Variants in FOCAD observed in about 807,000 individuals in gnomAD.
FOCAD encodes the protein focadhesin.
In FOCAD, 198 loss-of-function variants were observed where a neutral mutation model predicts 225.6. That is an observed-to-expected ratio of 0.88 (90% CI 0.78 to 0.99). FOCAD has a LOEUF of 0.99. Ranked by LOEUF, FOCAD falls within the 50% of genes least tolerant of loss-of-function variation. FOCAD has a pLI of 0.00. For missense variants in FOCAD, 2,713 were observed against 2,123.6 expected (o/e 1.28, Z -5.46); for synonymous variants, 897 against 755.0 (o/e 1.19, Z -3.08).
intron 1 of FOCAD, among the ~76,000 whole-genome samples, chr9:20,699,519 A>G (rs1823663409): frequency 6.6e-6 from 1 of 151,422 alleles, no homozygotes; most frequent in Admixed American, 6.6e-5. Context: ...AGGTGGGTGG[A>G]TCAGGAGGTT....
intron 1 of FOCAD, among the ~76,000 whole-genome samples, chr9:20,696,442 A>T (rs1049971860): frequency 3.3e-5 from 5 of 152,212 alleles, no homozygotes; most frequent in Non-Finnish European, 5.9e-5. Context: ...TACCCTAAAT[A>T]TATACAGTTT....
intron 2 of FOCAD, among the ~76,000 whole-genome samples, chr9:20,661,701 A>G (rs897318051): frequency 5.3e-5 from 8 of 152,248 alleles, no homozygotes; most frequent in African/African-American, 1.9e-4. Context: ...AACATAGGAT[A>G]CATTGAGTAC....
At chr9:20,859,315 G>A (rs946690036) in intron 15 of FOCAD, among the ~76,000 whole-genome samples, 1 of 151,644 alleles carries the variant, frequency 6.6e-6, no homozygotes, top group African/African-American at 2.4e-5. Context: ...CTGGGAGGTG[G>A]AGGTTGCAGT....
At chr9:20,844,511 C>T (rs1826884431) in intron 15 of FOCAD, among the ~76,000 whole-genome samples, 1 of 151,798 alleles carries the variant, frequency 6.6e-6, no homozygotes. Context: ...CAGGCATGTG[C>T]CACCACACAT....
At chr9:20,766,385 C>G (rs1830054278) in intron 7 of FOCAD, among the ~76,000 whole-genome samples, 1 of 152,144 alleles carries the variant, frequency 6.6e-6, no homozygotes. Context: ...ACAATATAAT[C>G]CATTTACCAC....
intron 24 of FOCAD, among the ~76,000 whole-genome samples, chr9:20,917,353 A>C (rs1833958964): frequency 6.6e-6 from 1 of 152,202 alleles, no homozygotes; most frequent in Non-Finnish European, 1.5e-5. Context: ...CATATCTAAA[A>C]ATTGAATTTT....
chr9:20,897,000 C>G (rs904505146), intron 21 of FOCAD: 1 of 151,810 alleles, frequency 6.6e-6, no homozygotes, highest in Non-Finnish European at 1.5e-5. Context: ...GTGTTGAAGT[C>G]TCTGGCTATA....
Position 20,712,825 on chromosome 9 carries a change from C to T in FOCAD, c.-32-2497C>T, listed in dbSNP as rs137902446. Among the ~76,000 whole-genome samples, 58 of 150,680 alleles carry T rather than the reference C, an allele frequency of 3.8e-4. No homozygotes were observed. In the East Asian group the frequency reaches 9.9e-3, roughly 26 times the overall value. ...TCGGCTTATTGCAACCTCCACCTCC[C>T]GGGTTCAAGTGATTCTCCTATCCCA... On this transcript the variant is annotated intron_variant, in intron 1 of 43. Transcript: ENST00000338382.
chr9:20,813,256 C>T (rs949378434), intron 11 of FOCAD, among the ~76,000 whole-genome samples: 1 of 152,156 alleles, frequency 6.6e-6, no homozygotes, highest in Non-Finnish European at 1.5e-5. Context: ...TTTATCCATT[C>T]ATCCCGGGAT....
chr9:20,815,325 A>G (rs1406215034), intron 11 of FOCAD, among the ~76,000 whole-genome samples: 1 of 130,408 alleles, frequency 7.7e-6, no homozygotes, highest in Admixed American at 7.7e-5. Context: ...TTTTTTTTTT[A>G]GTATAGGTGG....
intron 26 of FOCAD, 49 bp downstream of exon 26, chr9:20,926,466 T>C (rs1834957152): frequency 1.7e-6 from 2 of 1,183,282 alleles, no homozygotes; most frequent in Admixed American, 3.4e-5. Context: ...AATTGACTCT[T>C]ATGACATCAG....
chr9:20,986,479 G>A lies in FOCAD; in HGVS notation c.4906+14G>A. The A allele has an allele frequency of 6.3e-7, 1 of 1,579,094 alleles. No homozygotes were observed. On this transcript the variant is annotated intron_variant, in intron 40 of 43. Coordinates refer to ENST00000338382, the MANE Select transcript of FOCAD (RefSeq NM_001375567.1). ...ATGCCAATACGGGTGAGGACACCCTGGGGTGAACATCAGAAACAGGAATAG... is the reference window on the plus strand; with the variant it reads ...ATGCCAATACGGGTGAGGACACCCTAGGGTGAACATCAGAAACAGGAATAG...
At position 20,662,298 on chromosome 9, in the gene FOCAD, G is replaced by C. The variant is rs527268081; in HGVS notation, c.-78+3472G>C. On this transcript the variant is annotated intron_variant, in intron 2 of 45. Transcript: ENST00000380249. ...ATTACAAGGAATTAATTACTGCCCA[G>C]CTGTGGAGAACGTAGTCTGCACAAA... Among the ~76,000 whole-genome samples, 3 of 152,248 alleles carry C rather than the reference G, an allele frequency of 2.0e-5. No homozygotes were observed. In the South Asian group the frequency reaches 6.2e-4, roughly 32 times the overall value.
chr9:20,942,824 G>A (rs912385960), intron 28 of FOCAD, among the ~76,000 whole-genome samples: 3 of 152,198 alleles, frequency 2.0e-5, no homozygotes, highest in African/African-American at 7.2e-5. Flanking sequence ...ATTTTCATCA[G>A]AGTTTATAAT....
chr9:20,786,434 G>T (rs1002454148), intron 10 of FOCAD, among the ~76,000 whole-genome samples: 1 of 152,154 alleles, frequency 6.6e-6, no homozygotes, highest in South Asian at 2.1e-4. Context: ...CTTGTCTAGA[G>T]TCTTCATAGT....
At chr9:20,778,223 G>C (rs960854574) in intron 8 of FOCAD, among the ~76,000 whole-genome samples, 1 of 151,096 alleles carries the variant, frequency 6.6e-6, no homozygotes, top group African/African-American at 2.4e-5. Context: ...TTGAATTTAT[G>C]TGTGACTGTG....
At chr9:20,936,896 C>A (rs1245558226) in intron 28 of FOCAD, among the ~76,000 whole-genome samples, 1 of 152,156 alleles carries the variant, frequency 6.6e-6, no homozygotes, top group African/African-American at 2.4e-5. Context: ...AATACAAAAT[C>A]AATGTGCAAA....
At chr9:20,659,144 T>TG (rs1308365532) in intron 2 of FOCAD, among the ~76,000 whole-genome samples, 3 of 152,058 alleles carry the variant, frequency 2.0e-5, no homozygotes, top group African/African-American at 4.8e-5. Context: ...CACTTAAACC[T>TG]GGGGGGCGGA....
intron 15 of FOCAD, among the ~76,000 whole-genome samples, chr9:20,849,766 G>C (rs992282403): frequency 6.6e-6 from 1 of 151,836 alleles, no homozygotes; most frequent in Admixed American, 6.6e-5. Flanking sequence ...ACTCTTCCCT[G>C]ACATTTATCT....
Sources: gnomAD v4.1 joint callset for allele counts (sites outside exome capture counted in the v4.1 genomes callset) on GRCh38, gnomAD v4.1.1 for gene constraint, MANE v1.5 for transcripts, NCBI Gene and HGNC (gene_info 2026-07-23, HGNC 2026-07-21) for gene names.